Variants in MED16 observed in about 807,000 individuals in gnomAD.
MED16 encodes mediator of RNA polymerase II transcription subunit 16.
Under a neutral mutation model 84.4 loss-of-function variants are expected in MED16, and 81 were observed. That is an observed-to-expected ratio of 0.96 (90% CI 0.80 to 1.15). MED16 has a LOEUF of 1.15. Among genes scored for constraint, MED16 ranks in the 50% most tolerant of loss-of-function variants. The pLI, the probability that MED16 is intolerant of heterozygous loss-of-function variation, is 0.00. For missense variants in MED16, 1,585 were observed against 1,245.9 expected, an observed-to-expected ratio of 1.27 and a Z score of -4.10; for synonymous variants, 897 against 552.2, an observed-to-expected ratio of 1.62 and a Z score of -8.76.
At position 885,552 on chromosome 19, in the gene MED16, A is replaced by C. The variant is rs534404218; in HGVS notation, c.879+218T>G. 2.6e-5 allele frequency among the ~76,000 whole-genome samples: 4 copies of C among 152,260 alleles called. No homozygotes were observed. In the East Asian group the frequency reaches 5.8e-4, roughly 22 times the overall value. ...AGGAAGAGGCTGCGCTGTGGCCACG[A>C]AGCGGGAGGAAGGCGCCCCGAACCG... On this transcript the variant is annotated intron_variant, in intron 5 of 15. Transcript: ENST00000325464.
At chr19:877,427 A>G (rs897349856) in intron 8 of MED16, among the ~76,000 whole-genome samples, 5 of 152,122 alleles carry the variant, frequency 3.3e-5, no homozygotes, top group Non-Finnish European at 7.4e-5. Flanking sequence ...AGCCAGGCTT[A>G]CACTCGTCTG....
At chr19:868,757 C>A (rs576891215) in intron 14 of MED16, 106 bp downstream of exon 14, 1 of 1,268,054 alleles carries the variant, frequency 7.9e-7, no homozygotes, top group Non-Finnish European at 1.1e-6. Context: ...GGGACGTGCT[C>A]CCTCCACCAC....
chr19:880,215 C>A, intron 7 of MED16, 67 bp from the exon 8 acceptor site: 1 of 1,456,516 alleles, frequency 6.9e-7, no homozygotes, highest in Non-Finnish European at 9.1e-7. Flanking sequence ...GGAGGGGCCT[C>A]CTGCTCTGCA....
At chr19:872,216 T>A (rs1441807781) in intron 11 of MED16, 98 bp from the exon 12 acceptor site, 4 of 1,001,408 alleles carry the variant, frequency 4.0e-6, no homozygotes, top group Non-Finnish European at 5.8e-6. Flanking sequence ...CGGGGGGCAA[T>A]GGGCAGGGTC....
chr19:880,171 A>T, intron 7 of MED16, 23 bp from the exon 8 acceptor site: 1 of 1,595,256 alleles, frequency 6.3e-7, no homozygotes. Flanking sequence ...GGCACTGCTT[A>T]GACATGGGCA....
chr19:870,199 G>T (rs116793099), intron 13 of MED16, among the ~76,000 whole-genome samples: 1,861 of 152,270 alleles, frequency 0.012, 36 homozygotes, highest in African/African-American at 0.042. Flanking sequence ...ACATCCAGGG[G>T]GGCCAGAGAC....
rs746447561 is a variant in MED16 at position 872,103 on chromosome 19, G to T, written c.1921C>A (p.Pro641Thr). The T allele has an allele frequency of 1.9e-6, 3 of 1,605,466 alleles. No individual in the cohort carries two copies. The highest frequency in any genetic ancestry group is 2.3e-5 in the East Asian group (1 of 44,424). The change falls in exon 12 of 16, where the codon CCG becomes ACG. Residue 641 changes from proline to threonine, a missense_variant. Coordinates refer to ENST00000325464, the MANE Select transcript of MED16 (RefSeq NM_005481.3). ...SLPNQGSLLRPGHSFLRDGTS... is the reference protein window; with the variant it reads ...SLPNQGSLLRTGHSFLRDGTS... Reference sequence around the variant, plus strand: ...CCGTCCCGCAGAAAGCTGTGGCCCGGCCTCAGCAGGGAACCCTGCCCGAAA... The same window carrying T: ...CCGTCCCGCAGAAAGCTGTGGCCCGTCCTCAGCAGGGAACCCTGCCCGAAA...
intron 3 of MED16, 57 bp downstream of exon 3, chr19:890,080 C>T (rs2036603238): frequency 1.7e-5 from 22 of 1,321,074 alleles, no homozygotes; most frequent in Non-Finnish European, 1.8e-5. Context: ...AAACACAGGG[C>T]CCCCCTGCTC....
Position 871,236 on chromosome 19 carries a change from C to A in MED16, c.2116G>T (p.Ala706Ser). The change falls in exon 13 of 16, where the codon GCG becomes TCG. Residue 706 changes from alanine to serine, a missense_variant. Ala to Ser is a moderately conservative substitution (Grantham distance 99). Transcript: ENST00000325464. ...ACCAGCGCCTCGTCCGGCTCGCTCG[C>A]TGGGCCCTCATCGCGACCTGCGGAG... ...LWICCRDEGPASEPDEALVDE... is the reference protein window; with the variant it reads ...LWICCRDEGPSSEPDEALVDE... 6.5e-7 allele frequency: 1 copy of A among 1,540,250 alleles called. No homozygotes were observed. The highest frequency in any genetic ancestry group is 8.8e-7 in the Non-Finnish European group (1 of 1,139,120).
chr19:868,751 C>G (rs78700964), intron 14 of MED16, 112 bp downstream of exon 14: 1 of 1,220,926 alleles, frequency 8.2e-7, no homozygotes, highest in Non-Finnish European at 1.1e-6. Flanking sequence ...CCCTCTGGGA[C>G]GTGCTCCCTC....
In MED16 at chr19:875,130, C is replaced by T. The variant is rs558970662; in HGVS notation, c.1771+114G>A. 8 of 709,170 alleles carry T rather than the reference C, an allele frequency of 1.1e-5. No individual in the cohort carries two copies. The East Asian group carries it at 2.1e-4, about 19-fold the overall frequency. 43.9% of individuals were successfully genotyped at this position (709,170 alleles called of 1,614,324 possible). A position where few individuals can be genotyped will look rare whatever the true frequency, so the allele number is the denominator to read the frequency against. ...AGTGAGCTGAGATCGCACCACTGCA[C>T]TCCAGCCTGGGCAACAGAGTAAGAC... is the stretch of plus-strand genomic sequence containing the variant. On this transcript the variant is annotated intron_variant, in intron 10 of 15. Transcript: ENST00000325464.
intron 2 of MED16, 108 bp from the exon 3 acceptor site, chr19:890,352 G>A (rs541315655): frequency 4.1e-6 from 3 of 737,980 alleles, no homozygotes; most frequent in African/African-American, 1.8e-5. Flanking sequence ...ACCCCAGGAA[G>A]GTCACAGAAC....
At chr19:868,640 C>G in intron 14 of MED16, 141 bp from the exon 15 acceptor site, 9 of 1,240,824 alleles carry the variant, frequency 7.3e-6, no homozygotes, top group Non-Finnish European at 1.0e-5. Context: ...GCCACAGGGC[C>G]TCTGCCCATG....
At chr19:870,435 C>T (rs760654263) in intron 13 of MED16, among the ~76,000 whole-genome samples, 4 of 152,010 alleles carry the variant, frequency 2.6e-5, no homozygotes, top group Non-Finnish European at 5.9e-5. Flanking sequence ...GTGGCTCATG[C>T]CTGTAATCCC....
At chr19:884,662 G>A (rs954381398) in intron 6 of MED16, among the ~76,000 whole-genome samples, 1 of 152,220 alleles carries the variant, frequency 6.6e-6, no homozygotes, top group Admixed American at 6.5e-5. Flanking sequence ...GCACAGAATG[G>A]TGGCAGCCGC....
rs2036392085 is a variant in MED16, at chr19:880,237, G to T, written c.1142-89C>A. On this transcript the variant is annotated intron_variant, in intron 7 of 15. Coordinates refer to ENST00000325464, the MANE Select transcript of MED16 (RefSeq NM_005481.3). ...CCTCCTGCTCTGCAGGGTGTGGAGA[G>T]CCGGGGCTGCCCATCCAGGGGGTCA... The T allele has an allele frequency of 2.4e-6, 3 of 1,262,512 alleles. No homozygotes were observed. In the African/African-American group the frequency reaches 4.7e-5, roughly 20 times the overall value. The allele number at this position is 1,262,512 out of a possible 1,614,324, so 78.2% of individuals were successfully genotyped here. A position where few individuals can be genotyped will look rare whatever the true frequency, so the allele number is the denominator to read the frequency against.
At chr19:889,044 T>C (rs1404745937) in intron 4 of MED16, among the ~76,000 whole-genome samples, 1 of 134,802 alleles carries the variant, frequency 7.4e-6, no homozygotes, top group African/African-American at 2.8e-5. Context: ...ACGCCTACTC[T>C]TAACTGTCCC....
chr19:871,554 T>C, intron 12 of MED16: 1 of 1,589,464 alleles, frequency 6.3e-7, no homozygotes, highest in Non-Finnish European at 8.5e-7. Flanking sequence ...ATGACACAGC[T>C]CACCCTCCTC....
chr19:867,972 A>T lies in MED16; in HGVS notation c.*129T>A. ...GGCAGGGACGCGGGCCTGGGCGCAG[A>T]GGGCGTTTATTGGACCTGTCCTTCC... On this transcript the variant is annotated 3_prime_UTR_variant, in exon 16 of 16. Transcript: ENST00000325464. 7.9e-7 allele frequency: 1 copy of T among 1,262,756 alleles called. No individual in the cohort carries two copies. Among genetic ancestry groups the T allele is most frequent in the Non-Finnish European group, 1.1e-6 (1 of 936,402 alleles). The allele number at this position is 1,262,756 out of a possible 1,614,324, so 78.2% of individuals were successfully genotyped here. A position where few individuals can be genotyped will look rare whatever the true frequency, so the allele number is the denominator to read the frequency against.
Sources: allele counts gnomAD v4.1 joint callset (sites outside exome capture counted in the v4.1 genomes callset), GRCh38; gene constraint gnomAD v4.1.1; transcripts MANE v1.5; gene names NCBI Gene and HGNC (gene_info 2026-07-23, HGNC 2026-07-21).